The following PCDHGA4 variants were observed in gnomAD, a reference collection of about 807,000 sequenced individuals.
PCDHGA4 encodes the protein protocadherin gamma subfamily A, 4.
In PCDHGA4, 38 loss-of-function variants were observed where a neutral mutation model predicts 54.6. The observed-to-expected ratio is 0.70, with a 90% confidence interval of 0.54 to 0.91. The LOEUF (loss-of-function observed/expected upper bound fraction) is 0.91. PCDHGA4 is among the 40% of genes least tolerant of loss of function. The pLI, the probability that PCDHGA4 is intolerant of heterozygous loss-of-function variation, is 0.00. For synonymous variants in PCDHGA4, 511 were observed against 512.9 expected, an observed-to-expected ratio of 1.00 and a Z score of 0.05; for missense variants, 1,298 against 1,220.9, an observed-to-expected ratio of 1.06 and a Z score of -0.94.
Position 141,491,627 on chromosome 5 carries a change from A to C in PCDHGA4, c.2515-3180A>C. On this transcript the variant is annotated intron_variant, in intron 1 of 3. Transcript: ENST00000571252. The surrounding 1 kb of genome is among the most constrained non-coding windows in gnomAD (Gnocchi z 6.9). ...ACTTTTCTAAGACCCCTCAGCGTTC[A>C]GCAGCCCACAGCTCTGGCGCTGGAG... 6.2e-7 allele frequency: 1 copy of C among 1,613,924 alleles called. No homozygotes were observed. The highest frequency in any genetic ancestry group is 8.5e-7 in the Non-Finnish European group (1 of 1,180,026).
intron 1 of PCDHGA4, chr5:141,478,355 G>A: frequency 6.2e-7 from 1 of 1,613,742 alleles, no homozygotes; most frequent in Non-Finnish European, 8.5e-7. Context: ...CGCGGACGCC[G>A]TGCGGGGAGG....
intron 1 of PCDHGA4, chr5:141,393,354 G>T: frequency 6.2e-7 from 1 of 1,613,944 alleles, no homozygotes; most frequent in African/African-American, 1.3e-5. Flanking sequence ...CTTCTCCCTG[G>T]ACGTGCAGAC....
At chr5:141,492,009 G>C in intron 1 of PCDHGA4, 1 of 617,702 alleles carries the variant, frequency 1.6e-6, no homozygotes, top group Non-Finnish European at 2.7e-6. Flanking sequence ...GATTTCCGCG[G>C]GTGTCGGGGG....
intron 1 of PCDHGA4, chr5:141,411,189 T>G (rs1222862554): frequency 6.6e-6 from 1 of 152,208 alleles, no homozygotes; most frequent in Non-Finnish European, 1.5e-5. Context: ...TCTTGGCATC[T>G]AAGAAAACAA....
chr5:141,360,783 T>A (rs1453026686), intron 1 of PCDHGA4: 1 of 1,613,928 alleles, frequency 6.2e-7, no homozygotes, highest in East Asian at 2.2e-5. Flanking sequence ...CAGCTGTGGA[T>A]GGCGGAGACC....
In PCDHGA4 at chr5:141,432,293, G is replaced by A; in HGVS notation, c.2515-62514G>A. On this transcript the variant is annotated intron_variant, in intron 1 of 3. Transcript: ENST00000571252. The surrounding 1 kb of genome is among the most constrained non-coding windows in gnomAD (Gnocchi z 6.0). ...CTACGTGTCCATCAACTCCGACACT[G>A]GGGTACTGTATGCGCTGAGCTCCTT... 1 of 1,614,254 alleles carries A rather than the reference G, an allele frequency of 6.2e-7. No homozygotes were observed. Among genetic ancestry groups the A allele is most frequent in the Non-Finnish European group, 8.5e-7 (1 of 1,180,040 alleles).
chr5:141,405,901 G>A (rs954255473), intron 1 of PCDHGA4, among the ~76,000 whole-genome samples: 1 of 152,092 alleles, frequency 6.6e-6, no homozygotes, highest in Non-Finnish European at 1.5e-5. Context: ...ACTGAAAGGA[G>A]GCATTTATTA....
intron 1 of PCDHGA4, among the ~76,000 whole-genome samples, chr5:141,469,311 T>C (rs970450899): frequency 3.3e-5 from 5 of 152,040 alleles, no homozygotes; most frequent in Admixed American, 3.3e-4. Context: ...GCACGATGGC[T>C]CACGCCTGTA....
intron 1 of PCDHGA4, chr5:141,395,033 T>G: frequency 6.2e-7 from 1 of 1,614,140 alleles, no homozygotes; most frequent in Non-Finnish European, 8.5e-7. Context: ...CCTCACATTT[T>G]GTGGGTGTTG....
At chr5:141,374,028 G>A (rs1417226376) in intron 1 of PCDHGA4, 1 of 1,418,506 alleles carries the variant, frequency 7.0e-7, no homozygotes, top group Non-Finnish European at 9.3e-7. Context: ...GAGCAAAAGT[G>A]ATGCAGATCT....
intron 1 of PCDHGA4, among the ~76,000 whole-genome samples, chr5:141,492,745 C>G (rs2099743569): frequency 6.6e-6 from 1 of 152,262 alleles, no homozygotes; most frequent in Non-Finnish European, 1.5e-5. Flanking sequence ...GTGGCCGAGG[C>G]GCGGCAGGGC....
At chr5:141,426,013 T>C (rs2096909409) in intron 1 of PCDHGA4, among the ~76,000 whole-genome samples, 1 of 152,144 alleles carries the variant, frequency 6.6e-6, no homozygotes, top group Admixed American at 6.5e-5. Flanking sequence ...CCGGCTGCAG[T>C]TTTCTAAATA....
intron 1 of PCDHGA4, chr5:141,403,682 C>T (rs1456832899): frequency 1.3e-5 from 21 of 1,613,810 alleles, no homozygotes; most frequent in Non-Finnish European, 1.1e-5. Flanking sequence ...GGTTTTTGCT[C>T]AACGGATTTA....
chr5:141,377,724 A>T (rs549902283), intron 1 of PCDHGA4: 1 of 152,244 alleles, frequency 6.6e-6, no homozygotes, highest in Non-Finnish European at 1.5e-5. Flanking sequence ...TTTTGAAAAG[A>T]TAAGAATCAT....
chr5:141,426,805 A>G (rs1222690899), intron 1 of PCDHGA4: 2 of 456,720 alleles, frequency 4.4e-6, no homozygotes, highest in African/African-American at 2.0e-5. Flanking sequence ...CTCAGTTCTA[A>G]TGAACATTTC....
At position 141,485,035 on chromosome 5, in the gene PCDHGA4, AC is replaced by A; in HGVS notation, c.2515-9769del. ...CCGCCACCAGCAAAAACGGCGCGTA[AC>A]CCTTGCGGCGCCGGCCGAACCGCGC... On this transcript the variant is annotated intron_variant, in intron 1 of 3. Coordinates refer to ENST00000571252, the MANE Select transcript of PCDHGA4 (RefSeq NM_018917.4). The surrounding 1 kb of genome is among the most constrained non-coding windows in gnomAD (Gnocchi z 5.7). 1.4e-6 allele frequency: 1 copy of A among 694,388 alleles called. No homozygotes were observed. Among genetic ancestry groups the A allele is most frequent in the East Asian group, 2.6e-5 (1 of 38,852 alleles). The allele number at this position is 694,388 out of a possible 1,614,324, so 43.0% of individuals were successfully genotyped here.
intron 1 of PCDHGA4, among the ~76,000 whole-genome samples, chr5:141,449,391 G>A (rs1020753910): frequency 1.3e-5 from 2 of 151,876 alleles, no homozygotes; most frequent in Non-Finnish European, 2.9e-5. Context: ...TGGATTACTT[G>A]AGGCCAGGAG....
chr5:141,414,724 G>A (rs1461729604), intron 1 of PCDHGA4: 48 of 1,614,138 alleles, frequency 3.0e-5, no homozygotes, highest in Non-Finnish European at 3.9e-5. Context: ...AGACACTGGC[G>A]TCCTGTATGC....
chr5:141,404,764 C>A lies in PCDHGA4; in HGVS notation c.2514+47143C>A, dbSNP rs371618979. 152 of 1,613,920 alleles carry A rather than the reference C, an allele frequency of 9.4e-5. 1 individual carries two copies. In the African/African-American group the frequency reaches 1.6e-3, roughly 17 times the overall value. ...GAGACTCAGGCCAGAATGCTTGGCT[C>A]TCCTACCGCCTATTCAAGGCCAGTG... On this transcript the variant is annotated intron_variant, in intron 1 of 3. Coordinates refer to ENST00000571252, the MANE Select transcript of PCDHGA4 (RefSeq NM_018917.4).
Sources: allele counts gnomAD v4.1 joint callset (sites outside exome capture counted in the v4.1 genomes callset), GRCh38; gene constraint gnomAD v4.1.1; non-coding constraint Gnocchi (gnomAD v3.1); transcripts MANE v1.5; gene names NCBI Gene and HGNC (gene_info 2026-07-23, HGNC 2026-07-21).